GRIN3A: variants seen among roughly 807,000 people sequenced by gnomAD.
GRIN3A encodes the protein glutamate ionotropic receptor NMDA type subunit 3A.
GRIN3A carries 47 observed loss-of-function variants against 92.4 expected under a neutral mutation model. That is an observed-to-expected ratio of 0.51 (90% CI 0.40 to 0.65). The LOEUF is 0.65. Among genes scored for constraint, GRIN3A ranks in the 30% least tolerant of loss-of-function variants. The pLI, the probability that GRIN3A is intolerant of heterozygous loss-of-function variation, is 0.00. For missense variants in GRIN3A, 1,324 were observed against 1,393.1 expected (o/e 0.95, Z 0.79); for synonymous variants, 527 against 540.6 (o/e 0.97, Z 0.35).
At chr9:101,713,233 A>G (rs1294304385) in intron 1 of GRIN3A, among the ~76,000 whole-genome samples, 1 of 152,216 alleles carries the variant, frequency 6.6e-6, no homozygotes. Flanking sequence ...TCCAAGAAGA[A>G]CGTGTTTGGG....
intron 1 of GRIN3A, among the ~76,000 whole-genome samples, chr9:101,698,501 A>G (rs552802934): frequency 5.3e-5 from 8 of 152,238 alleles, no homozygotes; most frequent in Admixed American, 5.2e-4. Flanking sequence ...GCACTTACAC[A>G]AGCCTAGATG....
At chr9:101,702,997 C>T (rs1564148387) in intron 1 of GRIN3A, among the ~76,000 whole-genome samples, 1 of 152,170 alleles carries the variant, frequency 6.6e-6, no homozygotes, top group Non-Finnish European at 1.5e-5. Flanking sequence ...TACAGTAAGC[C>T]TCCATGTCTA....
Position 101,623,500 on chromosome 9 carries a change from C to T in GRIN3A, c.2499-67G>A, listed in dbSNP as rs1588254052. On this transcript the variant is annotated intron_variant, in intron 4 of 8. Transcript: ENST00000361820. The stretch of plus-strand genomic sequence containing the variant: ...AATGGGAAGGAAGCATGAAGGCTGA[C>T]AGCCGGCTTTTGTTTAGGGGACAGA... 6.9e-6 allele frequency: 8 copies of T among 1,161,216 alleles called. No homozygotes were observed. In the East Asian group the frequency reaches 1.6e-4, roughly 24 times the overall value. The allele number at this position is 1,161,216 out of a possible 1,614,324, so 71.9% of individuals were successfully genotyped here.
At chr9:101,690,031 T>C (rs1829595077) in intron 1 of GRIN3A, among the ~76,000 whole-genome samples, 1 of 152,168 alleles carries the variant, frequency 6.6e-6, no homozygotes, top group South Asian at 2.1e-4. Flanking sequence ...AGGAAGCCTG[T>C]CTCTATCATG....
In GRIN3A at chr9:101,590,350, T is replaced by C. The variant is rs895216309; in HGVS notation, c.2767-10990A>G. 1.9e-4 allele frequency among the ~76,000 whole-genome samples: 5 copies of C among 26,192 alleles called. No homozygotes were observed. In the East Asian group the frequency reaches 2.6e-3, roughly 13 times the overall value. 17.2% of individuals were successfully genotyped at this position (26,192 alleles called of 152,430 possible). A position where few individuals can be genotyped will look rare whatever the true frequency, so the allele number is the denominator to read the frequency against. On this transcript the variant is annotated intron_variant, in intron 6 of 8. Coordinates refer to ENST00000361820, the MANE Select transcript of GRIN3A (RefSeq NM_133445.3). ...TTCCTCTACCATAATGACACTCTAT[T>C]TATTTATTTATTTATTTATTTATTT... is the stretch of plus-strand genomic sequence containing the variant.
intron 1 of GRIN3A, among the ~76,000 whole-genome samples, chr9:101,706,344 G>C (rs979622792): frequency 6.6e-5 from 10 of 152,114 alleles, no homozygotes; most frequent in Non-Finnish European, 1.5e-4. Context: ...AATGCATATG[G>C]GTCAGATGCA....
chr9:101,687,979 G>A (rs1829560583), intron 1 of GRIN3A, among the ~76,000 whole-genome samples: 1 of 152,200 alleles, frequency 6.6e-6, no homozygotes, highest in Non-Finnish European at 1.5e-5. Flanking sequence ...AGTGGAAATA[G>A]TCTTCCAATG....
In GRIN3A at chr9:101,628,260, G is replaced by A. The variant is rs775319083; in HGVS notation, c.2494C>T (p.Leu832=). The A allele has an allele frequency of 5.0e-6, 8 of 1,613,838 alleles. No individual in the cohort carries two copies. In the East Asian group the frequency reaches 1.8e-4, roughly 36 times the overall value. ...ATCCAAGAGGTTGACACTCACTTCA[G>A]ATACTCCACTCCATCAGGGGTGGCT... The part of the protein sequence containing the change: ...VPATPDGVEY[L]KNDPEKLDAF... Residue 832 remains leucine (L), a synonymous_variant, in exon 4 of 9, where the codon CTG becomes TTG. Transcript: ENST00000361820.
Position 101,671,119 on chromosome 9 carries a change from G to T in GRIN3A, c.1305-12C>A. ...TATTGGCTAGAAACCTGGGAAAGAGGAGCAAAGGCAAAAAGTAAGAAAAGC... is the reference window on the plus strand; with the variant it reads ...TATTGGCTAGAAACCTGGGAAAGAGTAGCAAAGGCAAAAAGTAAGAAAAGC... On this transcript the variant is annotated splice_polypyrimidine_tract_variant and intron_variant, in intron 2 of 8. Transcript: ENST00000361820. 1 of 1,593,640 alleles carries T rather than the reference G, an allele frequency of 6.3e-7. No individual in the cohort carries two copies. Among genetic ancestry groups the T allele is most frequent in the South Asian group, 1.1e-5 (1 of 90,626 alleles).
chr9:101,638,207 T>C (rs1303141196), intron 3 of GRIN3A, among the ~76,000 whole-genome samples: 1 of 152,236 alleles, frequency 6.6e-6, no homozygotes, highest in African/African-American at 2.4e-5. Flanking sequence ...CCTATCATCA[T>C]GGTCTCCAAC....
chr9:101,658,655 A>G (rs1829123734), intron 3 of GRIN3A, among the ~76,000 whole-genome samples: 1 of 151,880 alleles, frequency 6.6e-6, no homozygotes, highest in African/African-American at 2.4e-5. Flanking sequence ...TCACTTCTTG[A>G]GTTTGAAAAA....
intron 5 of GRIN3A, among the ~76,000 whole-genome samples, chr9:101,619,168 G>GT (rs919971490): frequency 6.6e-6 from 1 of 152,184 alleles, no homozygotes; most frequent in Non-Finnish European, 1.5e-5. Flanking sequence ...GAAAAGAGAT[G>GT]TTTTGAAAAT....
chr9:101,664,030 A>C (rs532822277), intron 3 of GRIN3A, among the ~76,000 whole-genome samples: 1 of 151,906 alleles, frequency 6.6e-6, no homozygotes, highest in Non-Finnish European at 1.5e-5. Context: ...TTTATTTTCC[A>C]GTGAACTTTA....
At chr9:101,703,504 C>G (rs1316413606) in intron 1 of GRIN3A, among the ~76,000 whole-genome samples, 1 of 152,196 alleles carries the variant, frequency 6.6e-6, no homozygotes, top group African/African-American at 2.4e-5. Flanking sequence ...CCTCAGAGCA[C>G]AGTCAATAGC....
At chr9:101,586,369 T>G (rs1473570872) in intron 6 of GRIN3A, among the ~76,000 whole-genome samples, 1 of 152,192 alleles carries the variant, frequency 6.6e-6, no homozygotes, top group East Asian at 1.9e-4. Flanking sequence ...TTTAAATGAA[T>G]GAATGAAAGC....
intron 6 of GRIN3A, among the ~76,000 whole-genome samples, chr9:101,600,226 G>T (rs959508176): frequency 6.6e-6 from 1 of 152,112 alleles, no homozygotes; most frequent in Non-Finnish European, 1.5e-5. Context: ...GTACAGGAAT[G>T]GTAGAGATTA....
At chr9:101,650,821 CCA>C (rs931892082) in intron 3 of GRIN3A, among the ~76,000 whole-genome samples, 25 of 151,896 alleles carry the variant, frequency 1.6e-4, no homozygotes, top group African/African-American at 5.8e-4. Context: ...TTCCACCCCC[CCA>C]CACACATTTT....
At chr9:101,646,197 A>G (rs1024310515) in intron 3 of GRIN3A, among the ~76,000 whole-genome samples, 6 of 151,850 alleles carry the variant, frequency 4.0e-5, no homozygotes, top group Non-Finnish European at 7.4e-5. Flanking sequence ...GTAGTTTCAT[A>G]GTTTCAGGTC....
chr9:101,631,613 T>C (rs1828716313), intron 3 of GRIN3A, among the ~76,000 whole-genome samples: 1 of 152,184 alleles, frequency 6.6e-6, no homozygotes, highest in African/African-American at 2.4e-5. Context: ...AGAATTCTGC[T>C]GGAGGACTGT....
Sources: gnomAD v4.1 joint callset for allele counts (sites outside exome capture counted in the v4.1 genomes callset) on GRCh38, gnomAD v4.1.1 for gene constraint, MANE v1.5 for transcripts, NCBI Gene and HGNC (gene_info 2026-07-23, HGNC 2026-07-21) for gene names.